The following WNK3 variants were observed in gnomAD, a reference collection of about 807,000 sequenced individuals.
WNK3 encodes serine/threonine-protein kinase WNK3.
Under a neutral mutation model 116.7 loss-of-function variants are expected in WNK3, and 18 were observed. The ratio of observed to expected loss-of-function variants is 0.15; its 90% CI spans 0.11 to 0.23. WNK3 has a LOEUF of 0.23. Ranked by LOEUF, WNK3 falls within the 10% of genes least tolerant of loss-of-function variation. The pLI is 1.00. For synonymous variants in WNK3, 404 were observed against 469.4 expected (o/e 0.86, Z 1.80); for missense variants, 993 against 1,323.8 (o/e 0.75, Z 3.88).
chrX:54,199,883 T>C (rs929061499), intron 23 of WNK3, among the ~76,000 whole-genome samples: 48 of 111,890 alleles, frequency 4.3e-4, no homozygotes, highest in African/African-American at 1.6e-3. Context: ...TGAAGTTCCT[T>C]ATCATTACCA....
intron 22 of WNK3, among the ~76,000 whole-genome samples, chrX:54,226,960 T>C (rs1287148983): frequency 1.8e-5 from 2 of 111,976 alleles, no homozygotes; most frequent in African/African-American, 3.2e-5. Context: ...ATAGAGTCAA[T>C]GGTGAGCCAA....
chrX:54,342,420 G>T (rs563155733), intron 1 of WNK3, among the ~76,000 whole-genome samples: 3 of 109,669 alleles, frequency 2.7e-5, no homozygotes, highest in Non-Finnish European at 5.7e-5. Flanking sequence ...ACAAAAATTA[G>T]CTGGGCGTGG....
At chrX:54,315,023 C>T (rs949602334) in intron 2 of WNK3, among the ~76,000 whole-genome samples, 12 of 110,484 alleles carry the variant, frequency 1.1e-4, no homozygotes, top group African/African-American at 3.9e-4. Context: ...TGGTCAGGCA[C>T]GATGGCTCAT....
chrX:54,232,072 AGTGTGTGTGTGTGTCTGTGTATATGT>A (rs1234311135), intron 21 of WNK3, among the ~76,000 whole-genome samples: 1 of 94,617 alleles, frequency 1.1e-5, no homozygotes, highest in African/African-American at 4.0e-5. Context: ...ATTCTTGTTG[AGTGTGTGTGTGTGTCTGTGTATATGT>A]GTGTGTGTGT....
At chrX:54,257,456 C>A (rs2068204966) in intron 11 of WNK3, among the ~76,000 whole-genome samples, 2 of 110,771 alleles carry the variant, frequency 1.8e-5, no homozygotes, top group Admixed American at 1.9e-4. Flanking sequence ...CAAAAGCAGG[C>A]CAGAACCTAT....
In WNK3 at chrX:54,251,386, T is replaced by C. The variant is rs782423336; in HGVS notation, c.2575+13A>G. 8 of 1,128,296 alleles carry C rather than the reference T, an allele frequency of 7.1e-6. No homozygotes were observed. The South Asian group carries it at 1.7e-4, about 23-fold the overall frequency. The allele number at this position is 1,128,296 out of a possible 1,213,427, so 93.0% of individuals were successfully genotyped here. On this transcript the variant is annotated intron_variant, in intron 15 of 23. Coordinates refer to ENST00000354646, the Ensembl canonical transcript of WNK3. ...TCAAAAACCAAATGATAAATTTTAC[T>C]AAATATACTTACTGCTGGTTTGAGT...
intron 2 of WNK3, among the ~76,000 whole-genome samples, chrX:54,320,231 TGGCAC>T (rs1557171884): frequency 8.9e-6 from 1 of 111,745 alleles, no homozygotes; most frequent in Non-Finnish European, 1.9e-5. Context: ...TCCTGAGACA[TGGCAC>T]AATACCAGTA....
intron 1 of WNK3, among the ~76,000 whole-genome samples, chrX:54,345,785 C>CAAAAAAAA (rs372848363): frequency 2.5e-5 from 1 of 40,458 alleles, no homozygotes; most frequent in Non-Finnish European, 4.7e-5. Context: ...GACTCAGTAT[C>CAAAAAAAA]AAAAAAAAAA....
At chrX:54,222,166 CA>C (rs2067770693) in intron 22 of WNK3, among the ~76,000 whole-genome samples, 1 of 109,907 alleles carries the variant, frequency 9.1e-6, no homozygotes, top group African/African-American at 3.3e-5. Flanking sequence ...TCAAAACAAA[CA>C]AAAAACACAC....
intron 1 of WNK3, 131 bp from the exon 2 acceptor site, chrX:54,333,923 G>A (rs1409337164): frequency 2.8e-5 from 11 of 398,098 alleles, no homozygotes; most frequent in Non-Finnish European, 4.7e-5. Flanking sequence ...CCAATCTTAG[G>A]AACCAGCAGA....
chrX:54,232,111 GTGTATATA>G (rs1447888427), intron 21 of WNK3, among the ~76,000 whole-genome samples: 1 of 95,583 alleles, frequency 1.0e-5, no homozygotes, highest in African/African-American at 4.6e-5. Context: ...GTGTGTGTGT[GTGTATATA>G]TATATATATA....
chrX:54,344,042 C>G (rs1931264257), intron 1 of WNK3, among the ~76,000 whole-genome samples: 1 of 111,555 alleles, frequency 9.0e-6, no homozygotes, highest in Admixed American at 9.6e-5. Context: ...AGCCTTGCAA[C>G]TTAATAAAAA....
intron 22 of WNK3, among the ~76,000 whole-genome samples, chrX:54,221,045 C>T (rs1284513381): frequency 9.0e-6 from 1 of 111,623 alleles, no homozygotes; most frequent in Non-Finnish European, 1.9e-5. Context: ...TGAATTGTAC[C>T]AGGACCTTTA....
chrX:54,259,141 C>T, intron 11 of WNK3, 133 bp downstream of exon 11: 1 of 217,980 alleles, frequency 4.6e-6, no homozygotes, highest in East Asian at 8.4e-5. Flanking sequence ...AAAAAACTAT[C>T]GTCTTTATTA....
intron 20 of WNK3, 67 bp from the exon 21 acceptor site, chrX:54,233,087 T>C (rs2067920121): frequency 2.3e-6 from 2 of 851,212 alleles, no homozygotes; most frequent in South Asian, 2.3e-5. Context: ...CAAGAAACTC[T>C]AAACCAGTAT....
chrX:54,202,849 AAAT>A (rs1168951653), intron 22 of WNK3, among the ~76,000 whole-genome samples: 7 of 110,289 alleles, frequency 6.3e-5, no homozygotes, highest in African/African-American at 2.0e-4. Flanking sequence ...AAAAAGAATC[AAAT>A]AATGTTAAAA....
intron 23 of WNK3, among the ~76,000 whole-genome samples, chrX:54,200,033 A>G (rs1416994983): frequency 2.7e-5 from 3 of 111,794 alleles, no homozygotes; most frequent in Admixed American, 9.5e-5. Flanking sequence ...TCCTTTCCGC[A>G]TGGAATCATT....
intron 17 of WNK3, 100 bp from the exon 18 acceptor site, chrX:54,239,199 C>CT: frequency 4.7e-5 from 21 of 451,187 alleles, no homozygotes; most frequent in Non-Finnish European, 5.8e-5. Context: ...TAAGGTGAAG[C>CT]TTTTAAAAAA....
intron 15 of WNK3, among the ~76,000 whole-genome samples, chrX:54,250,923 A>AAACTAG (rs1557154008): frequency 2.7e-5 from 3 of 111,335 alleles, no homozygotes. Context: ...CGCTTCTGGA[A>AAACTAG]GTTTATCTGG....
Sources: allele counts gnomAD v4.1 joint callset (sites outside exome capture counted in the v4.1 genomes callset), GRCh38; gene constraint gnomAD v4.1.1; transcripts MANE v1.5; gene names NCBI Gene and HGNC (gene_info 2026-07-23, HGNC 2026-07-21).